HLF: variants seen among roughly 807,000 people sequenced by gnomAD.
HLF encodes the protein HLF transcription factor, PAR bZIP family member.
Under a neutral mutation model 22.6 loss-of-function variants are expected in HLF, and 3 were observed. The observed-to-expected ratio is 0.13, with a 90% CI of 0.06 to 0.34. HLF has a LOEUF of 0.34. Among genes scored for constraint, HLF ranks in the 10% least tolerant of loss-of-function variants. The pLI, the probability that HLF is intolerant of heterozygous loss-of-function variation, is 1.00. For missense variants in HLF, 299 were observed against 389.2 expected (o/e 0.77, Z 1.95); for synonymous variants, 151 against 151.8 (o/e 0.99, Z 0.04).
At chr17:55,301,985 A>G (rs2081160867) in intron 2 of HLF, among the ~76,000 whole-genome samples, 2 of 152,246 alleles carry the variant, frequency 1.3e-5, no homozygotes, top group Non-Finnish European at 2.9e-5. Context: ...ATTATTTAAC[A>G]GTGGTGGGCA....
At chr17:55,279,966 G>A (rs2080939199) in intron 2 of HLF, among the ~76,000 whole-genome samples, 1 of 152,148 alleles carries the variant, frequency 6.6e-6, no homozygotes, top group African/African-American at 2.4e-5. Flanking sequence ...AAGGTGGTGG[G>A]ATCTACCAGC....
intron 2 of HLF, among the ~76,000 whole-genome samples, chr17:55,287,981 G>T (rs532808684): frequency 6.6e-6 from 1 of 152,268 alleles, no homozygotes; most frequent in South Asian, 2.1e-4. Flanking sequence ...GTCCAACATG[G>T]TTGGTCTTTG....
chr17:55,300,987 A>G (rs946000428), intron 2 of HLF, among the ~76,000 whole-genome samples: 1 of 152,332 alleles, frequency 6.6e-6, no homozygotes, highest in East Asian at 1.9e-4. Context: ...CGACTGGCCC[A>G]TGAATTCTCT....
chr17:55,307,024 A>G (rs1435779643), intron 2 of HLF, among the ~76,000 whole-genome samples: 1 of 151,226 alleles, frequency 6.6e-6, no homozygotes, highest in Non-Finnish European at 1.5e-5. Context: ...TTGATTTGGT[A>G]AAACAGCCAG....
rs896916893 is a variant in HLF, at chr17:55,325,158, A to G, written c.*4279A>G. 1.1e-5 allele frequency: 2 copies of G among 179,788 alleles called. No homozygotes were observed. The highest frequency in any genetic ancestry group is 2.4e-5 in the African/African-American group (1 of 42,338). The allele number at this position is 179,788 out of a possible 1,614,324, so 11.1% of individuals were successfully genotyped here. Reference sequence around the variant, plus strand: ...CATTTGTAGAGATTATTACCTAGATAATAAAATGATAATACTATATAATTA... The same window carrying G: ...CATTTGTAGAGATTATTACCTAGATGATAAAATGATAATACTATATAATTA... On this transcript the variant is annotated 3_prime_UTR_variant, in exon 4 of 4. Transcript: ENST00000226067.
At chr17:55,300,519 G>A (rs190833891) in intron 2 of HLF, among the ~76,000 whole-genome samples, 132 of 152,256 alleles carry the variant, frequency 8.7e-4, no homozygotes, top group African/African-American at 3.0e-3. Flanking sequence ...GAAACTCAAT[G>A]GATCCACAAT....
chr17:55,271,160 C>T (rs2080853217), intron 2 of HLF, among the ~76,000 whole-genome samples: 1 of 152,174 alleles, frequency 6.6e-6, no homozygotes, highest in African/African-American at 2.4e-5. Flanking sequence ...TACTTTAGGA[C>T]CCTGTCACAC....
At chr17:55,289,017 A>T (rs1348361702) in intron 2 of HLF, 2 of 797,510 alleles carry the variant, frequency 2.5e-6, no homozygotes, top group Non-Finnish European at 3.0e-6. Flanking sequence ...GGTGTGGGGA[A>T]GGGAGGATGC....
intron 2 of HLF, among the ~76,000 whole-genome samples, chr17:55,275,206 C>A (rs1452741481): frequency 6.6e-6 from 1 of 152,190 alleles, no homozygotes; most frequent in East Asian, 1.9e-4. Context: ...ATAGATCCTC[C>A]CACCTCAGCC....
chr17:55,280,865 A>G (rs371060292), intron 2 of HLF, among the ~76,000 whole-genome samples: 1 of 152,224 alleles, frequency 6.6e-6, no homozygotes, highest in African/African-American at 2.4e-5. Context: ...ATGGAAATAC[A>G]AGGAAATTGT....
intron 3 of HLF, among the ~76,000 whole-genome samples, chr17:55,319,523 TAAG>T (rs1905189379): frequency 6.6e-6 from 1 of 151,898 alleles, no homozygotes; most frequent in Middle Eastern, 3.4e-3. Flanking sequence ...TTAGTCTTCT[TAAG>T]AAGTTTTTCC....
intron 1 of HLF, chr17:55,265,916 C>G (rs1289433014): frequency 4.8e-6 from 5 of 1,044,128 alleles, no homozygotes; most frequent in African/African-American, 1.7e-5. Flanking sequence ...ACGAGGCACA[C>G]CCGCACGCAG....
At chr17:55,318,584 C>G (rs1191831439) in intron 3 of HLF, among the ~76,000 whole-genome samples, 1 of 152,114 alleles carries the variant, frequency 6.6e-6, no homozygotes, top group Non-Finnish European at 1.5e-5. Flanking sequence ...CCATTCCTCC[C>G]CCATCACATA....
intron 2 of HLF, among the ~76,000 whole-genome samples, chr17:55,299,835 T>C (rs922822870): frequency 9.2e-5 from 14 of 151,958 alleles, no homozygotes; most frequent in Non-Finnish European, 1.9e-4. Context: ...TTGCTTTTTT[T>C]CCTTCTTCTT....
At chr17:55,312,773 A>T (rs1904891131) in intron 2 of HLF, among the ~76,000 whole-genome samples, 1 of 152,226 alleles carries the variant, frequency 6.6e-6, no homozygotes, top group South Asian at 2.1e-4. Context: ...GTATTTGTTA[A>T]CATTTCGCAG....
intron 2 of HLF, among the ~76,000 whole-genome samples, chr17:55,301,416 G>T (rs2081156419): frequency 1.3e-5 from 2 of 152,258 alleles, no homozygotes; most frequent in African/African-American, 4.8e-5. Context: ...CCTTTGCCTG[G>T]AAAGATTTGC....
intron 2 of HLF, among the ~76,000 whole-genome samples, chr17:55,293,868 G>A (rs1422391460): frequency 6.6e-6 from 1 of 152,172 alleles, no homozygotes; most frequent in Admixed American, 6.5e-5. Context: ...ATATGTACCA[G>A]GGACCTAGAT....
chr17:55,287,488 C>T (rs1193867101), intron 2 of HLF, among the ~76,000 whole-genome samples: 3 of 152,196 alleles, frequency 2.0e-5, no homozygotes, highest in Non-Finnish European at 4.4e-5. Context: ...CTACCCCCTG[C>T]CTGCACTTGG....
chr17:55,286,325 C>G (rs1027594701), intron 2 of HLF, among the ~76,000 whole-genome samples: 1 of 151,634 alleles, frequency 6.6e-6, no homozygotes, highest in Non-Finnish European at 1.5e-5. Flanking sequence ...TCGATAGTAC[C>G]CCCCTTTCTC....
Sources: allele counts gnomAD v4.1 joint callset (sites outside exome capture counted in the v4.1 genomes callset), GRCh38; gene constraint gnomAD v4.1.1; transcripts MANE v1.5; gene names NCBI Gene and HGNC (gene_info 2026-07-23, HGNC 2026-07-21).